Variants in TCP1 observed in about 807,000 individuals in gnomAD.
TCP1 encodes t-complex 1.
In TCP1, 6 loss-of-function variants were observed where a neutral mutation model predicts 54.7. That is an observed-to-expected ratio of 0.11 (90% confidence interval 0.06 to 0.22). TCP1 has a LOEUF of 0.22. Ranked by LOEUF, TCP1 falls within the 10% of genes least tolerant of loss-of-function variation. The pLI is 1.00. For synonymous variants in TCP1, 225 were observed against 229.7 expected, an observed-to-expected ratio of 0.98 and a Z score of 0.19; for missense variants, 511 against 678.2, an observed-to-expected ratio of 0.75 and a Z score of 2.74.
chr6:159,781,903 A>G (rs1046127826), intron 7 of TCP1, among the ~76,000 whole-genome samples: 1 of 152,252 alleles, frequency 6.6e-6, no homozygotes, highest in Non-Finnish European at 1.5e-5. Flanking sequence ...TCTAAGCAAG[A>G]CTAGTATATC....
rs1293919899 is a variant in TCP1, at chr6:159,787,863, G to A, written c.159C>T (p.Thr53=). 9 of 1,613,908 alleles carry A rather than the reference G, an allele frequency of 5.6e-6. No individual in the cohort carries two copies. Among genetic ancestry groups the A allele is most frequent in the Middle Eastern group, 3.3e-4 (2 of 6,060 alleles). Reference sequence around the variant, plus strand: ...GGATGGTTGCACCATCGTTAGTAATGGTTACATCCTAAGAAATTCGCAGGA... The same window carrying A: ...GGATGGTTGCACCATCGTTAGTAATAGTTACATCCTAAGAAATTCGCAGGA... ...KMLVDDIGDV[T]ITNDGATILK... Residue 53 remains threonine, a synonymous_variant, in exon 3 of 12, where the codon ACC becomes ACT. Coordinates refer to ENST00000321394, the MANE Select transcript of TCP1 (RefSeq NM_030752.3).
chr6:159,784,140 G>GT (rs1174135180), intron 6 of TCP1, 73 bp from the exon 7 acceptor site: 1 of 1,498,432 alleles, frequency 6.7e-7, no homozygotes, highest in African/African-American at 1.4e-5. Flanking sequence ...ATAATCGATT[G>GT]TATGTAAACA....
intron 7 of TCP1, among the ~76,000 whole-genome samples, chr6:159,781,660 TACTC>T (rs1471709550): frequency 6.6e-6 from 1 of 152,024 alleles, no homozygotes; most frequent in African/African-American, 2.4e-5. Flanking sequence ...TAATCCCAGA[TACTC>T]AGGAGACTGA....
rs1412088171 is a variant in TCP1 at position 159,785,480 on chromosome 6, T to C, written c.394A>G (p.Ile132Val). 2 of 1,613,292 alleles carry C rather than the reference T, an allele frequency of 1.2e-6. No individual in the cohort carries two copies. The highest frequency in any genetic ancestry group is 4.5e-5 in the East Asian group (2 of 44,898). ...RLACKEAVRY[I>V]NENLIVNTDE... Reference sequence around the variant, plus strand: ...GTGTTAACAATTAGGTTTTCATTGATATAACGCACTGCTTCCCTGTTTAAA... The same window carrying C: ...GTGTTAACAATTAGGTTTTCATTGACATAACGCACTGCTTCCCTGTTTAAA... The change falls in exon 5 of 12, where the codon ATC becomes GTC. Residue 132 changes from isoleucine (I) to valine (V), a missense_variant. This residue lies in a region of TCP1 where 305 missense variants were observed against 352.8 expected (regional missense o/e 0.86). Coordinates refer to ENST00000321394, the MANE Select transcript of TCP1 (RefSeq NM_030752.3).
chr6:159,779,571 CT>C, intron 11 of TCP1, 55 bp downstream of exon 11: 1 of 1,536,280 alleles, frequency 6.5e-7, no homozygotes, highest in Non-Finnish European at 8.7e-7. Flanking sequence ...GACTACTATC[CT>C]TTTTAATGCA....
At chr6:159,783,322 C>T (rs1023339407) in intron 7 of TCP1, among the ~76,000 whole-genome samples, 4 of 150,842 alleles carry the variant, frequency 2.7e-5, no homozygotes, top group Admixed American at 2.0e-4. Context: ...TAAAAGATGA[C>T]AGCACATTTC....
chr6:159,782,004 T>C (rs1375463983), intron 7 of TCP1, among the ~76,000 whole-genome samples: 1 of 152,190 alleles, frequency 6.6e-6, no homozygotes, highest in South Asian at 2.1e-4. Flanking sequence ...AGATATAAGC[T>C]GAAAGACAAC....
rs747547052 is a variant in TCP1 at position 159,778,877 on chromosome 6, T to C, written c.*168A>G. 3 of 1,610,246 alleles carry C rather than the reference T, an allele frequency of 1.9e-6. No homozygotes were observed. Among genetic ancestry groups the C allele is most frequent in the East Asian group, 4.5e-5 (2 of 44,840 alleles). ...TCAATTTCTTTTTAAACTAATAAAG[T>C]ACTAGGTTGCAATATGTGAAATCAG... is the stretch of plus-strand genomic sequence containing the variant. On this transcript the variant is annotated 3_prime_UTR_variant, in exon 12 of 12. Transcript: ENST00000321394.
intron 7 of TCP1, among the ~76,000 whole-genome samples, chr6:159,782,946 T>G (rs923541367): frequency 1.3e-5 from 2 of 152,202 alleles, no homozygotes; most frequent in Non-Finnish European, 2.9e-5. Context: ...AATTTCACGC[T>G]AGAGACCTTA....
intron 11 of TCP1, 91 bp from the exon 12 acceptor site, chr6:159,779,352 T>C (rs1179504852): frequency 1.6e-6 from 2 of 1,228,886 alleles, no homozygotes; most frequent in Non-Finnish European, 2.3e-6. Context: ...TTAAGGTTGA[T>C]TTTTAAATCA....
At position 159,788,330 on chromosome 6, in the gene TCP1, G is replaced by A. The variant is rs533366503; in HGVS notation, c.65-187C>T. On this transcript the variant is annotated intron_variant, in intron 1 of 11. Transcript: ENST00000321394. ...TGGGGCCAGACACTGTGGCTCACAG[G>A]TGTAATCCCAACACTGCGAGGCCGA... 4.8e-4 allele frequency: 272 copies of A among 561,546 alleles called. 1 individual carries two copies. Among genetic ancestry groups the A allele is most frequent in the Non-Finnish European group, 5.4e-4 (171 of 318,018 alleles). 34.8% of individuals were successfully genotyped at this position (561,546 alleles called of 1,614,324 possible). A position where few individuals can be genotyped will look rare whatever the true frequency, so the allele number is the denominator to read the frequency against.
At chr6:159,780,607 T>G (rs1290927994) in intron 8 of TCP1, 41 bp from the exon 9 acceptor site, 5 of 1,594,560 alleles carry the variant, frequency 3.1e-6, no homozygotes, top group Middle Eastern at 1.7e-4. Context: ...TATTGCTCTT[T>G]CATGATTTTA....
At position 159,781,257 on chromosome 6, in the gene TCP1, T is replaced by C. The variant is rs1780569975; in HGVS notation, c.798-147A>G. On this transcript the variant is annotated intron_variant, in intron 7 of 11. Transcript: ENST00000321394. ...CCAGAATTTAAATTAGTCCAATTCA[T>C]GGAAAATTTGAAGGAATTAAAAATT... 9.1e-6 allele frequency: 7 copies of C among 769,940 alleles called. No individual in the cohort carries two copies. The South Asian group carries it at 1.4e-4, about 15-fold the overall frequency. 47.7% of individuals were successfully genotyped at this position (769,940 alleles called of 1,614,324 possible).
At chr6:159,785,596 A>C in intron 4 of TCP1, 100 bp from the exon 5 acceptor site, 1 of 982,860 alleles carries the variant, frequency 1.0e-6, no homozygotes, top group South Asian at 1.3e-5. Flanking sequence ...GTAAGTAATA[A>C]TATCCGTTCA....
intron 5 of TCP1, 84 bp from the exon 6 acceptor site, chr6:159,784,931 T>C: frequency 7.6e-7 from 1 of 1,314,220 alleles, no homozygotes; most frequent in Non-Finnish European, 1.1e-6. Flanking sequence ...TTCAAGGGAC[T>C]TCCTTTTAGT....
At position 159,788,115 on chromosome 6, in the gene TCP1, A is replaced by G. The variant is rs750582695; in HGVS notation, c.93T>C (p.Ile31=). Residue 31 remains isoleucine (I), a synonymous_variant, in exon 2 of 12, where the codon ATT becomes ATC. Coordinates refer to ENST00000321394, the MANE Select transcript of TCP1 (RefSeq NM_030752.3). ...CAACTGGACCAAGAGAACTTTTTAC[A>G]ATATTGGCAATCGAAGCTGCAGCCA... ...NVMAAASIAN[I]VKSSLGPVGL... is the part of the protein sequence containing the mutation. 3 of 1,614,168 alleles carry G rather than the reference A, an allele frequency of 1.9e-6. No homozygotes were observed. The highest frequency in any genetic ancestry group is 1.7e-5 in the Admixed American group (1 of 60,030).
intron 6 of TCP1, 83 bp downstream of exon 6, chr6:159,784,583 C>A: frequency 2.8e-6 from 4 of 1,452,730 alleles, no homozygotes; most frequent in Non-Finnish European, 2.8e-6. Context: ...GGATTACAGG[C>A]ATGAGCCACC....
At chr6:159,785,721 G>C (rs201928872) in intron 4 of TCP1, 179 bp downstream of exon 4, 1 of 784,312 alleles carries the variant, frequency 1.3e-6, no homozygotes, top group Non-Finnish European at 2.2e-6. Flanking sequence ...AAATGTGGTA[G>C]TCAAATGAGA....
At chr6:159,781,188 A>G in intron 7 of TCP1, 78 bp from the exon 8 acceptor site, 3 of 1,224,634 alleles carry the variant, frequency 2.4e-6, no homozygotes, top group Non-Finnish European at 3.4e-6. Flanking sequence ...TATTTATCAC[A>G]AGATAATCAT....
Sources: allele counts gnomAD v4.1 joint callset (sites outside exome capture counted in the v4.1 genomes callset), GRCh38; gene constraint gnomAD v4.1.1; regional missense constraint gnomAD v4.1.1; transcripts MANE v1.5; gene names NCBI Gene and HGNC (gene_info 2026-07-23, HGNC 2026-07-21).